Variants in DISC1 observed in about 807,000 individuals in gnomAD.
DISC1 encodes the protein DISC1 scaffold protein.
A neutral mutation model predicts 84.5 loss-of-function variants in DISC1; 57 were observed. The ratio of observed to expected loss-of-function variants is 0.67; its 90% CI spans 0.55 to 0.84. The LOEUF (loss-of-function observed/expected upper bound fraction) is 0.84. Ranked by LOEUF, DISC1 falls within the 40% of genes least tolerant of loss-of-function variation. The pLI is 0.00. For synonymous variants in DISC1, 411 were observed against 415.2 expected (o/e 0.99, Z 0.12); for missense variants, 1,000 against 1,057.8 (o/e 0.95, Z 0.76).
chr1:231,855,903 T>C (rs925603810), intron 9 of DISC1, among the ~76,000 whole-genome samples: 2 of 152,214 alleles, frequency 1.3e-5, no homozygotes, highest in Non-Finnish European at 2.9e-5. Context: ...TTATGTGATA[T>C]CCAAATCAAA....
At position 232,018,479 on chromosome 1, in the gene DISC1, C is replaced by T. The variant is rs1330456131; in HGVS notation, c.2308-7956C>T. 2.0e-5 allele frequency among the ~76,000 whole-genome samples: 3 copies of T among 152,174 alleles called. No homozygotes were observed. In the East Asian group the frequency reaches 5.8e-4, roughly 29 times the overall value. On this transcript the variant is annotated intron_variant, in intron 11 of 12. Transcript: ENST00000439617. ...GCAACTGAATGCTTTTCTGGGTATA[C>T]ACTTTTATAGAAAAATGTTTTTTGA...
chr1:231,805,492 G>A (rs982950273), intron 8 of DISC1, among the ~76,000 whole-genome samples: 3 of 152,030 alleles, frequency 2.0e-5, no homozygotes, highest in Admixed American at 6.6e-5. Flanking sequence ...GAGGAGGGGG[G>A]TGGGGGAGGT....
chr1:231,746,708 T>C (rs1190412257), intron 3 of DISC1, among the ~76,000 whole-genome samples: 1 of 152,206 alleles, frequency 6.6e-6, no homozygotes, highest in Admixed American at 6.5e-5. Flanking sequence ...TACCTGATGA[T>C]CAGTGATGTT....
intron 3 of DISC1, among the ~76,000 whole-genome samples, chr1:231,744,552 G>C (rs61835421): frequency 6.6e-6 from 1 of 151,202 alleles, no homozygotes; most frequent in African/African-American, 2.4e-5. Flanking sequence ...TTTTTTTTTG[G>C]TGCCAGAAAG....
intron 9 of DISC1, among the ~76,000 whole-genome samples, chr1:231,847,076 G>T (rs748901058): frequency 6.6e-6 from 1 of 152,152 alleles, no homozygotes; most frequent in African/African-American, 2.4e-5. Flanking sequence ...AGACTGAGTG[G>T]CTTGGACAAC....
Position 231,905,483 on chromosome 1 carries a change from G to A in DISC1, c.1982-53345G>A, listed in dbSNP as rs545185749. On this transcript the variant is annotated intron_variant, in intron 9 of 12. Transcript: ENST00000439617. ...AATTTTTTTTTTTAATTAGCCTGGC[G>A]TGGTGATGCACACCTGTAGTTCCTG... Among the ~76,000 whole-genome samples the A allele has an allele frequency of 4.0e-5, 6 of 151,898 alleles. No individual in the cohort carries two copies. The South Asian group carries it at 6.2e-4, about 16-fold the overall frequency.
chr1:231,890,291 A>T (rs1279168288), intron 9 of DISC1, among the ~76,000 whole-genome samples: 1 of 152,188 alleles, frequency 6.6e-6, no homozygotes, highest in Non-Finnish European at 1.5e-5. Context: ...AAATATAGGG[A>T]TGGAAATTTC....
intron 11 of DISC1, among the ~76,000 whole-genome samples, chr1:232,023,168 T>A (rs934099088): frequency 2.0e-5 from 3 of 152,180 alleles, no homozygotes; most frequent in Non-Finnish European, 4.4e-5. Flanking sequence ...AAATTTCCCA[T>A]AATACTGCCC....
intron 9 of DISC1, among the ~76,000 whole-genome samples, chr1:231,934,148 AG>A (rs1174400306): frequency 6.6e-6 from 1 of 152,182 alleles, no homozygotes; most frequent in Admixed American, 6.5e-5. Flanking sequence ...AGGCAGGAAA[AG>A]GGGGGTGACC....
In DISC1 at chr1:232,031,695, T is replaced by G. The variant is rs1670071750; in HGVS notation, c.2426-4997T>G. Among the ~76,000 whole-genome samples, 1 of 152,104 alleles carries G rather than the reference T, an allele frequency of 6.6e-6. No individual in the cohort carries two copies. Among genetic ancestry groups the G allele is most frequent in the African/African-American group, 2.4e-5 (1 of 41,426 alleles). On this transcript the variant is annotated intron_variant, in intron 12 of 12. Coordinates refer to ENST00000439617, the MANE Select transcript of DISC1 (RefSeq NM_018662.3). This position sits in a 1 kb window ranked among gnomAD's most constrained non-coding sequence, Gnocchi z 4.6. ...CAGTGGGTGGGGGAGGGCAAGGGCG[T>G]AGACACAGGGCTGTCCTGCTGCTGG... is the stretch of plus-strand genomic sequence containing the variant.
chr1:231,734,187 A>G (rs903315851), intron 3 of DISC1, among the ~76,000 whole-genome samples: 3 of 152,168 alleles, frequency 2.0e-5, no homozygotes, highest in African/African-American at 7.2e-5. Context: ...TTTCCATAGC[A>G]TCTGTGAAGA....
rs1670753603 is a variant in DISC1, at chr1:232,040,824, C to T, written c.*3993C>T. 1 of 152,198 alleles carries T rather than the reference C, an allele frequency of 6.6e-6. No homozygotes were observed. The highest frequency in any genetic ancestry group is 6.5e-5 in the Admixed American group (1 of 15,284). 9.4% of individuals were successfully genotyped at this position (152,198 alleles called of 1,614,324 possible). A position where few individuals can be genotyped will look rare whatever the true frequency, so the allele number is the denominator to read the frequency against. ...GGCATCAACAAACCTATTCACCCCACCATCATCCTGATCTAACCATTCCCC... is the reference window on the plus strand; with the variant it reads ...GGCATCAACAAACCTATTCACCCCATCATCATCCTGATCTAACCATTCCCC... On this transcript the variant is annotated 3_prime_UTR_variant, in exon 13 of 13. Coordinates refer to ENST00000439617, the MANE Select transcript of DISC1 (RefSeq NM_018662.3).
At chr1:231,664,168 A>T (rs958928156) in intron 1 of DISC1, among the ~76,000 whole-genome samples, 2 of 152,150 alleles carry the variant, frequency 1.3e-5, no homozygotes, top group Admixed American at 1.3e-4. Flanking sequence ...TGAGACCCAG[A>T]GACATTAAGT....
At chr1:231,790,313 G>A (rs369723140) in intron 6 of DISC1, among the ~76,000 whole-genome samples, 20 of 152,084 alleles carry the variant, frequency 1.3e-4, no homozygotes, top group Non-Finnish European at 1.6e-4. Flanking sequence ...TAGGGCTGTC[G>A]TAATAAAGTA....
At chr1:231,959,116 A>G in intron 10 of DISC1, 2 of 1,227,868 alleles carry the variant, frequency 1.6e-6, no homozygotes, top group South Asian at 2.7e-5. Context: ...TCTTGGAGAG[A>G]TCACAGGAGA....
intron 3 of DISC1, among the ~76,000 whole-genome samples, chr1:231,714,069 G>A (rs1387301334): frequency 6.6e-6 from 1 of 151,872 alleles, no homozygotes; most frequent in Non-Finnish European, 1.5e-5. Flanking sequence ...TTTTAGGTGT[G>A]AAAGTCAGTC....
At chr1:231,890,872 C>G (rs933277832) in intron 9 of DISC1, among the ~76,000 whole-genome samples, 1 of 152,160 alleles carries the variant, frequency 6.6e-6, no homozygotes. Context: ...CTGTTCTCTT[C>G]CTTTGGGTGC....
At chr1:231,989,331 T>A (rs2102908797) in intron 10 of DISC1, among the ~76,000 whole-genome samples, 1 of 152,342 alleles carries the variant, frequency 6.6e-6, no homozygotes. Flanking sequence ...GGTCTGTGCT[T>A]TGATTTCTTC....
chr1:232,006,978 T>C (rs980341881), intron 10 of DISC1, among the ~76,000 whole-genome samples: 2 of 152,188 alleles, frequency 1.3e-5, no homozygotes, highest in African/African-American at 4.8e-5. Flanking sequence ...AGCCTGTTGC[T>C]TCAGAGGGTC....
Sources: allele counts gnomAD v4.1 joint callset (sites outside exome capture counted in the v4.1 genomes callset), GRCh38; gene constraint gnomAD v4.1.1; non-coding constraint Gnocchi (gnomAD v3.1); transcripts MANE v1.5; gene names NCBI Gene and HGNC (gene_info 2026-07-23, HGNC 2026-07-21).